Variants in SEPTIN10 observed in about 807,000 individuals in gnomAD.
SEPTIN10 encodes the protein septin 10.
A neutral mutation model predicts 54.8 loss-of-function variants in SEPTIN10; 66 were observed. The ratio of observed to expected loss-of-function variants is 1.21; its 90% CI spans 0.99 to 1.48. SEPTIN10 has a LOEUF of 1.48. SEPTIN10 is among the 40% of genes most tolerant of loss of function. The pLI is 0.00. For missense variants in SEPTIN10, 620 were observed against 545.6 expected (o/e 1.14, Z -1.36); for synonymous variants, 161 against 181.0 (o/e 0.89, Z 0.89).
At chr2:109,568,831 TAGAC>T (rs1277442187) in intron 5 of SEPTIN10, among the ~76,000 whole-genome samples, 1 of 152,122 alleles carries the variant, frequency 6.6e-6, no homozygotes, top group African/African-American at 2.4e-5. Context: ...CAGACTTACT[TAGAC>T]AGCAGAGGAA....
intron 8 of SEPTIN10, among the ~76,000 whole-genome samples, chr2:109,558,554 T>A (rs1306339512): frequency 2.6e-5 from 4 of 152,226 alleles, no homozygotes; most frequent in Non-Finnish European, 5.9e-5. Flanking sequence ...ATGGTTGAAA[T>A]AATTAATATA....
In SEPTIN10 at chr2:109,595,281, G is replaced by A. The variant is rs951509167; in HGVS notation, c.31-2162C>T. 2.0e-4 allele frequency among the ~76,000 whole-genome samples: 31 copies of A among 152,104 alleles called. 1 individual carries two copies. Among genetic ancestry groups the A allele is most frequent in the African/African-American group, 5.6e-4 (23 of 41,416 alleles). ...TAAAAGCACGCAAAAGCTCAGTGAG[G>A]GACACAACGGTTCTGATTGTGTTTT... is the stretch of plus-strand genomic sequence containing the variant. On this transcript the variant is annotated intron_variant, in intron 1 of 10. Transcript: ENST00000397712.
At chr2:109,588,233 TA>T (rs1005474785) in intron 2 of SEPTIN10, among the ~76,000 whole-genome samples, 1 of 151,868 alleles carries the variant, frequency 6.6e-6, no homozygotes, top group African/African-American at 2.4e-5. Flanking sequence ...GCCCACAGTA[TA>T]AAAAATGATC....
chr2:109,556,616 G>A (rs1334732392), intron 8 of SEPTIN10, among the ~76,000 whole-genome samples: 1 of 152,040 alleles, frequency 6.6e-6, no homozygotes, highest in African/African-American at 2.4e-5. Flanking sequence ...ACCCCAAGGA[G>A]GCATTTTACT....
At chr2:109,563,153 T>C (rs1686103800) in intron 8 of SEPTIN10, among the ~76,000 whole-genome samples, 1 of 152,100 alleles carries the variant, frequency 6.6e-6, no homozygotes, top group South Asian at 2.1e-4. Flanking sequence ...TCAAGTGGTC[T>C]GCCCGCCTTG....
intron 9 of SEPTIN10, chr2:109,552,816 G>T: frequency 2.9e-6 from 1 of 349,514 alleles, no homozygotes. Flanking sequence ...CACCCAAGAG[G>T]GTAGCTGCTG....
rs140580906 is a variant in SEPTIN10, at chr2:109,558,642, T to C, written c.1029-5423A>G. Among the ~76,000 whole-genome samples, 1,502 of 152,288 alleles carry C rather than the reference T, an allele frequency of 9.9e-3. 27 individuals are homozygous for C. The highest frequency in any genetic ancestry group is 0.034 in the African/African-American group (1,421 of 41,558). On this transcript the variant is annotated intron_variant, in intron 8 of 10. Coordinates refer to ENST00000397712, the MANE Select transcript of SEPTIN10 (RefSeq NM_144710.5). Reference sequence around the variant, plus strand: ...CTCGTGACAAGCCTGCGATTGGTGCTGGTAGATTAGGATACCCACCATGAC... The same window carrying C: ...CTCGTGACAAGCCTGCGATTGGTGCCGGTAGATTAGGATACCCACCATGAC...
intron 2 of SEPTIN10, among the ~76,000 whole-genome samples, chr2:109,592,646 G>A (rs1204600450): frequency 2.0e-5 from 3 of 151,108 alleles, no homozygotes; most frequent in Non-Finnish European, 4.4e-5. Context: ...CGGACGTGGT[G>A]GTGGTCACCT....
intron 4 of SEPTIN10, among the ~76,000 whole-genome samples, chr2:109,582,070 CAACA>C (rs1265778448): frequency 3.0e-5 from 3 of 100,350 alleles, no homozygotes; most frequent in African/African-American, 7.9e-5. Flanking sequence ...ATGCCATGTA[CAACA>C]GACACACACA....
chr2:109,546,895 A>G (rs1681397604), intron 9 of SEPTIN10, among the ~76,000 whole-genome samples: 1 of 152,238 alleles, frequency 6.6e-6, no homozygotes, highest in Non-Finnish European at 1.5e-5. Flanking sequence ...TAAAGAATAA[A>G]TTAATGCTAA....
At chr2:109,610,722 A>T (rs929848621) in intron 1 of SEPTIN10, among the ~76,000 whole-genome samples, 7 of 152,238 alleles carry the variant, frequency 4.6e-5, no homozygotes, top group Non-Finnish European at 1.0e-4. Context: ...TCTTCAAAAA[A>T]AAAGAGAGAA....
chr2:109,566,863 AATT>A (rs1371578458), intron 6 of SEPTIN10, among the ~76,000 whole-genome samples: 2 of 152,188 alleles, frequency 1.3e-5, no homozygotes, highest in Non-Finnish European at 2.9e-5. Flanking sequence ...CTAATGTAAA[AATT>A]ATTAATTACT....
At chr2:109,563,748 TAA>T (rs1466966383) in intron 8 of SEPTIN10, among the ~76,000 whole-genome samples, 2 of 152,212 alleles carry the variant, frequency 1.3e-5, no homozygotes, top group Non-Finnish European at 2.9e-5. Context: ...TCTTCCTTTA[TAA>T]TATGTTTTGC....
rs532527363 is a variant in SEPTIN10 at position 109,545,154 on chromosome 2, T to C, written c.1350-830A>G. The C allele has an allele frequency of 1.0e-5, 10 of 985,046 alleles. No individual in the cohort carries two copies. The African/African-American group carries it at 1.7e-4, about 17-fold the overall frequency. The allele number at this position is 985,046 out of a possible 1,614,324, so 61.0% of individuals were successfully genotyped here. ...TTGCTCTGTGGGGAACATGGGAGCATGCAACGCTGCTAGCACAGAGGTAGC... is the reference window on the plus strand; with the variant it reads ...TTGCTCTGTGGGGAACATGGGAGCACGCAACGCTGCTAGCACAGAGGTAGC... On this transcript the variant is annotated intron_variant, in intron 10 of 10. Coordinates refer to ENST00000397712, the MANE Select transcript of SEPTIN10 (RefSeq NM_144710.5).
intron 8 of SEPTIN10, among the ~76,000 whole-genome samples, chr2:109,553,612 G>A (rs1683625767): frequency 1.3e-5 from 2 of 151,210 alleles, no homozygotes; most frequent in African/African-American, 4.9e-5. Flanking sequence ...CAGCACTTTG[G>A]GAGGCTGAGG....
intron 1 of SEPTIN10, among the ~76,000 whole-genome samples, chr2:109,596,662 T>C (rs78584142): frequency 0.15 from 22,700 of 152,078 alleles, 2,235 homozygotes; most frequent in Non-Finnish European, 0.22. Context: ...TATACTCATT[T>C]GCCATTAAAC....
chr2:109,560,713 C>A (rs1685469672), intron 8 of SEPTIN10, among the ~76,000 whole-genome samples: 2 of 152,086 alleles, frequency 1.3e-5, no homozygotes, highest in South Asian at 4.2e-4. Flanking sequence ...TGCTGCCTCA[C>A]ACACACACAA....
At chr2:109,565,403 T>C (rs989877572) in intron 7 of SEPTIN10, among the ~76,000 whole-genome samples, 12 of 152,200 alleles carry the variant, frequency 7.9e-5, no homozygotes, top group African/African-American at 2.9e-4. Flanking sequence ...TAGCCGGCAA[T>C]ACTTTGATCA....
intron 9 of SEPTIN10, among the ~76,000 whole-genome samples, chr2:109,550,506 G>A (rs1682657287): frequency 1.3e-5 from 2 of 151,800 alleles, no homozygotes; most frequent in Non-Finnish European, 2.9e-5. Context: ...TAGAGATGGG[G>A]TTTCACCATA....
Sources: allele counts gnomAD v4.1 joint callset (sites outside exome capture counted in the v4.1 genomes callset), GRCh38; gene constraint gnomAD v4.1.1; transcripts MANE v1.5; gene names NCBI Gene and HGNC (gene_info 2026-07-23, HGNC 2026-07-21).